CRLF3: variants seen among roughly 807,000 people sequenced by gnomAD.
The protein encoded by CRLF3 is cytokine receptor like factor 3.
Under a neutral mutation model 55.0 loss-of-function variants are expected in CRLF3, and 33 were observed. The observed-to-expected ratio is 0.60, with a 90% CI of 0.46 to 0.80. The LOEUF is 0.80. Among genes scored for constraint, CRLF3 ranks in the 30% least tolerant of loss-of-function variants. The pLI is 0.00. For synonymous variants in CRLF3, 238 were observed against 196.8 expected (o/e 1.21, Z -1.75); for missense variants, 494 against 538.4 (o/e 0.92, Z 0.82).
intron 1 of CRLF3, chr17:30,810,073 C>G (rs1904565010): frequency 6.6e-6 from 1 of 152,128 alleles, no homozygotes. Flanking sequence ...GGTGGACAAC[C>G]AATCAGCTTC....
At chr17:30,795,420 C>T (rs1399337182) in intron 4 of CRLF3, among the ~76,000 whole-genome samples, 3 of 151,592 alleles carry the variant, frequency 2.0e-5, no homozygotes, top group South Asian at 2.1e-4. Context: ...TGCTTGAACC[C>T]GGGAGACGGA....
chr17:30,824,525 G>A lies in CRLF3; in HGVS notation c.127C>T (p.Gln43Ter). 1 of 1,588,304 alleles carries A rather than the reference G, an allele frequency of 6.3e-7. No individual in the cohort carries two copies. Among genetic ancestry groups the A allele is most frequent in the Non-Finnish European group, 8.5e-7 (1 of 1,173,118 alleles). ...CCCTGTGGGTGTGGCCCTCCGACCT[G>A]CCTCCGCGCCTCACGCAGCCCCTCA... ...RLEGLREARR[Q>*]IKESASQTRD... is the part of the protein sequence containing the mutation. Residue 43 changes from glutamine to a stop codon, truncating the protein, a stop_gained and splice_region_variant, in exon 1 of 8, where the codon CAG becomes TAG. Transcript: ENST00000324238. LOFTEE classifies it high-confidence loss of function.
Position 30,808,277 on chromosome 17 carries a change from ATTTTT to A in CRLF3, c.130-4174_130-4170del, listed in dbSNP as rs71138901. Among the ~76,000 whole-genome samples, 346 of 54,926 alleles carry A rather than the reference ATTTTT, an allele frequency of 6.3e-3. 11 individuals are homozygous for A. Among genetic ancestry groups the A allele is most frequent in the African/African-American group, 0.022 (327 of 14,964 alleles). 36.0% of individuals were successfully genotyped at this position (54,926 alleles called of 152,430 possible). On this transcript the variant is annotated intron_variant, in intron 1 of 7. Coordinates refer to ENST00000324238, the MANE Select transcript of CRLF3 (RefSeq NM_015986.4). Reference sequence around the variant, plus strand: ...TTCCTCCTCCTCCCCTAGAACCTATATTTTTTTTTTTTTTTTTTTTTTTTTTGGAG... The same window carrying A: ...TTCCTCCTCCTCCCCTAGAACCTATATTTTTTTTTTTTTTTTTTTTTGGAG...
In CRLF3 at chr17:30,785,899, GAC is replaced by G; in HGVS notation, c.1072+18_1072+19del. 4 of 1,202,800 alleles carry G rather than the reference GAC, an allele frequency of 3.3e-6. No individual in the cohort carries two copies. The highest frequency in any genetic ancestry group is 4.9e-6 in the Non-Finnish European group (4 of 811,762). 74.5% of individuals were successfully genotyped at this position (1,202,800 alleles called of 1,614,324 possible). ...ATAATTAATATATTTCCAAGAGAAT[GAC>G]AGTTATTTATCTCTTACCATTTGTA... On this transcript the variant is annotated intron_variant, in intron 7 of 7. Transcript: ENST00000324238.
chr17:30,815,651 C>T (rs573797167), intron 1 of CRLF3, among the ~76,000 whole-genome samples: 2 of 146,882 alleles, frequency 1.4e-5, no homozygotes, highest in Non-Finnish European at 3.0e-5. Context: ...TCAAGTAATT[C>T]TCTTGCCTCA....
chr17:30,806,793 T>C (rs1904418253), intron 1 of CRLF3, among the ~76,000 whole-genome samples: 1 of 152,116 alleles, frequency 6.6e-6, no homozygotes, highest in Non-Finnish European at 1.5e-5. Context: ...GCCACCACAC[T>C]TGGCTAATTT....
At chr17:30,815,354 G>A (rs1904763350) in intron 1 of CRLF3, among the ~76,000 whole-genome samples, 1 of 150,996 alleles carries the variant, frequency 6.6e-6, no homozygotes, top group Admixed American at 6.6e-5. Context: ...CCAAAGTGCT[G>A]GGATTACAGG....
rs1048960599 is a variant in CRLF3, at chr17:30,783,470, AG to A, written c.*716del. ...TGTCTCTACTAAAAATACAAAAATT[AG>A]CCAGGTGTGGTGGCCGACGCCTGTA... On this transcript the variant is annotated 3_prime_UTR_variant, in exon 8 of 8. Coordinates refer to ENST00000324238, the MANE Select transcript of CRLF3 (RefSeq NM_015986.4). 2.2e-4 allele frequency: 33 copies of A among 152,324 alleles called. No individual in the cohort carries two copies. Among genetic ancestry groups the A allele is most frequent in the African/African-American group, 7.5e-4 (31 of 41,560 alleles). The allele number at this position is 152,324 out of a possible 1,614,324, so 9.4% of individuals were successfully genotyped here. A position where few individuals can be genotyped will look rare whatever the true frequency, so the allele number is the denominator to read the frequency against.
chr17:30,785,672 C>T (rs570710086), intron 7 of CRLF3, among the ~76,000 whole-genome samples: 9 of 151,808 alleles, frequency 5.9e-5, no homozygotes, highest in Non-Finnish European at 1.3e-4. Flanking sequence ...GTCCCGGCTA[C>T]TCAGGAGGCT....
intron 1 of CRLF3, among the ~76,000 whole-genome samples, chr17:30,818,441 CTTTCT>C (rs1443037824): frequency 2.7e-5 from 4 of 148,710 alleles, no homozygotes; most frequent in Non-Finnish European, 5.9e-5. Flanking sequence ...GCAATAATGG[CTTTCT>C]TTTCTTTTCC....
intron 1 of CRLF3, among the ~76,000 whole-genome samples, chr17:30,816,488 CTTTTTTTTTTT>C (rs1183953028): frequency 7.7e-5 from 9 of 117,492 alleles, no homozygotes; most frequent in South Asian, 2.9e-4. Context: ...TTCTTTCTTT[CTTTTTTTTTTT>C]TTTTTTTTTA....
At position 30,786,107 on chromosome 17, in the gene CRLF3, A is replaced by G. The variant is rs1334506396; in HGVS notation, c.960-76T>C. On this transcript the variant is annotated intron_variant, in intron 6 of 7. Coordinates refer to ENST00000324238, the MANE Select transcript of CRLF3 (RefSeq NM_015986.4). ...ATGATACTTAACAGCCACTAGCTTAAAAAGAGCAATCTCACCACAATTGTT... is the reference window on the plus strand; with the variant it reads ...ATGATACTTAACAGCCACTAGCTTAGAAAGAGCAATCTCACCACAATTGTT... 5.0e-6 allele frequency: 4 copies of G among 807,142 alleles called. No homozygotes were observed. The African/African-American group carries it at 5.1e-5, about 10-fold the overall frequency. The allele number at this position is 807,142 out of a possible 1,614,324, so 50.0% of individuals were successfully genotyped here.
chr17:30,817,078 C>T (rs1052678136), intron 1 of CRLF3, among the ~76,000 whole-genome samples: 4 of 152,100 alleles, frequency 2.6e-5, no homozygotes, highest in Admixed American at 2.6e-4. Context: ...AGAATCAATA[C>T]ATTGCAACCT....
Position 30,784,054 on chromosome 17 carries a change from A to G in CRLF3, c.*133T>C. The G allele has an allele frequency of 1.3e-6, 1 of 744,310 alleles. No homozygotes were observed. Among genetic ancestry groups the G allele is most frequent in the Non-Finnish European group, 2.2e-6 (1 of 459,058 alleles). The allele number at this position is 744,310 out of a possible 1,614,324, so 46.1% of individuals were successfully genotyped here. A position where few individuals can be genotyped will look rare whatever the true frequency, so the allele number is the denominator to read the frequency against. ...TCTCTTTTTGCTAAAATATTACAAA[A>G]TGAATCCAGTAAACACTTTCCAATG... On this transcript the variant is annotated 3_prime_UTR_variant, in exon 8 of 8. Transcript: ENST00000324238.
chr17:30,787,179 C>T (rs550228206), intron 6 of CRLF3, among the ~76,000 whole-genome samples: 1 of 152,258 alleles, frequency 6.6e-6, no homozygotes, highest in African/African-American at 2.4e-5. Context: ...TGGCACACTT[C>T]TATTTTATAT....
In CRLF3 at chr17:30,793,751, A is replaced by G; in HGVS notation, c.604-79T>C. The G allele has an allele frequency of 3.0e-6, 3 of 999,012 alleles. No homozygotes were observed. The South Asian group carries it at 4.6e-5, about 15-fold the overall frequency. 61.9% of individuals were successfully genotyped at this position (999,012 alleles called of 1,614,324 possible). On this transcript the variant is annotated intron_variant, in intron 4 of 7. Transcript: ENST00000324238. ...ATCACTGCTTAAAAATTTTGAACGG[A>G]GCCATTTTGGACCAAGCAGACAGGC...
chr17:30,802,376 T>A (rs926634043), intron 2 of CRLF3, among the ~76,000 whole-genome samples: 4 of 152,040 alleles, frequency 2.6e-5, no homozygotes, highest in African/African-American at 9.7e-5. Context: ...CACCTCCACC[T>A]CCCAAAGTGC....
chr17:30,787,450 T>TTGTGTGCTATTTC, intron 6 of CRLF3: 1 of 152,110 alleles, frequency 6.6e-6, no homozygotes, highest in Admixed American at 6.6e-5. Flanking sequence ...TGTCAGTACT[T>TTGTGTGCTATTTC]TGTGTGCTCT....
chr17:30,797,153 C>A (rs7219345), intron 3 of CRLF3, among the ~76,000 whole-genome samples, 158 bp downstream of exon 3: 5 of 152,038 alleles, frequency 3.3e-5, no homozygotes, highest in African/African-American at 1.2e-4. Flanking sequence ...GGCCTCCCAA[C>A]GTGCTGGGAT....
Sources: allele counts gnomAD v4.1 joint callset (sites outside exome capture counted in the v4.1 genomes callset), GRCh38; gene constraint gnomAD v4.1.1; transcripts MANE v1.5; gene names NCBI Gene and HGNC (gene_info 2026-07-23, HGNC 2026-07-21).